PACS1: variants seen among roughly 807,000 people sequenced by gnomAD.
PACS1 encodes phosphofurin acidic cluster sorting protein 1, also known as PACS-1.
Under a neutral mutation model 115.0 loss-of-function variants are expected in PACS1, and 24 were observed. The ratio of observed to expected loss-of-function variants is 0.21; its 90% CI spans 0.15 to 0.29. PACS1 has a LOEUF of 0.29. Ranked by LOEUF, PACS1 falls within the 10% of genes least tolerant of loss-of-function variation. The pLI, the probability that PACS1 is intolerant of heterozygous loss-of-function variation, is 1.00. For synonymous variants in PACS1, 453 were observed against 504.5 expected, an observed-to-expected ratio of 0.90 and a Z score of 1.37; for missense variants, 838 against 1,251.2, an observed-to-expected ratio of 0.67 and a Z score of 4.98.
At chr11:66,099,149 T>A (rs1857853195) in intron 1 of PACS1, among the ~76,000 whole-genome samples, 2 of 152,166 alleles carry the variant, frequency 1.3e-5, no homozygotes, top group South Asian at 4.1e-4. Flanking sequence ...GCTCAAGCAG[T>A]TCTCCTGCCT....
intron 1 of PACS1, among the ~76,000 whole-genome samples, chr11:66,151,017 G>A (rs1163006406): frequency 6.6e-6 from 1 of 152,066 alleles, no homozygotes; most frequent in African/African-American, 2.4e-5. Flanking sequence ...AGACAAGCTG[G>A]AAAGTTCAGG....
At chr11:66,084,585 A>G (rs1014614220) in intron 1 of PACS1, among the ~76,000 whole-genome samples, 2 of 151,798 alleles carry the variant, frequency 1.3e-5, no homozygotes, top group African/African-American at 4.8e-5. Flanking sequence ...AGGGTGGTGG[A>G]GGTGGAGATG....
intron 7 of PACS1, among the ~76,000 whole-genome samples, chr11:66,219,307 G>C (rs558681186): frequency 6.6e-6 from 1 of 152,050 alleles, no homozygotes; most frequent in East Asian, 1.9e-4. Context: ...TGTTGGTTCA[G>C]GTGTGTTGGC....
intron 1 of PACS1, among the ~76,000 whole-genome samples, chr11:66,174,099 A>T (rs982504200): frequency 3.9e-5 from 6 of 152,208 alleles, no homozygotes; most frequent in African/African-American, 1.4e-4. Context: ...CAAAGAAGAT[A>T]TGCCAAATAA....
chr11:66,099,949 C>T lies in PACS1; in HGVS notation c.356+29107C>T, dbSNP rs184886486. 1.1e-4 allele frequency among the ~76,000 whole-genome samples: 16 copies of T among 152,206 alleles called. 1 individual carries two copies. The East Asian group carries it at 2.3e-3, about 22-fold the overall frequency. On this transcript the variant is annotated intron_variant, in intron 1 of 23. Coordinates refer to ENST00000320580, the MANE Select transcript of PACS1 (RefSeq NM_018026.4). ...CCACAACCTTGGCTTGCTGCAACCT[C>T]GGCTCACTGCAACCTCCGCCTCCTG...
rs1222941331 is a variant in PACS1 at position 66,193,524 on chromosome 11, A to G, written c.395A>G (p.Lys132Arg). Reference protein sequence around the residue: ...SLTLKKLVMLKEMDKDLNSVV... With the variant: ...SLTLKKLVMLREMDKDLNSVV... ...ACCCTGAAGAAACTCGTCATGCTAAAAGAAATGGACAAAGATCTTAACTCA... is the reference window on the plus strand; with the variant it reads ...ACCCTGAAGAAACTCGTCATGCTAAGAGAAATGGACAAAGATCTTAACTCA... Residue 132 changes from lysine (K) to arginine (R), a missense_variant, in exon 2 of 24, where the codon AAA becomes AGA. Around this residue, in one of 6 missense-constraint regions of PACS1, gnomAD observed 223 missense variants for 354.0 expected, o/e 0.63. Coordinates refer to ENST00000320580, the MANE Select transcript of PACS1 (RefSeq NM_018026.4). 2.5e-6 allele frequency: 4 copies of G among 1,613,958 alleles called. No individual in the cohort carries two copies. Among genetic ancestry groups the G allele is most frequent in the Non-Finnish European group, 3.4e-6 (4 of 1,179,838 alleles).
intron 1 of PACS1, among the ~76,000 whole-genome samples, chr11:66,091,686 A>ATC (rs1857669208): frequency 6.8e-6 from 1 of 147,460 alleles, no homozygotes; most frequent in South Asian, 2.2e-4. Flanking sequence ...CCCACCCCAC[A>ATC]ACAGTCCCCA....
At chr11:66,240,219 C>T (rs888988339) in intron 21 of PACS1, among the ~76,000 whole-genome samples, 3 of 152,188 alleles carry the variant, frequency 2.0e-5, no homozygotes, top group Non-Finnish European at 4.4e-5. Context: ...ATCTCTGAGA[C>T]CACTGGAAGC....
chr11:66,228,714 G>A (rs969392617), intron 11 of PACS1, among the ~76,000 whole-genome samples: 1 of 152,200 alleles, frequency 6.6e-6, no homozygotes, highest in African/African-American at 2.4e-5. Context: ...TAATCCATGA[G>A]GGTGACGTCA....
intron 1 of PACS1, among the ~76,000 whole-genome samples, chr11:66,157,175 T>G (rs1859381654): frequency 1.3e-5 from 2 of 152,102 alleles, no homozygotes; most frequent in South Asian, 4.1e-4. Context: ...ATGAGATGGA[T>G]TATATTTCCT....
chr11:66,221,765 T>G (rs1333293128), intron 10 of PACS1: 1 of 155,536 alleles, frequency 6.4e-6, no homozygotes, highest in Admixed American at 6.4e-5. Context: ...CAGGCTGGGT[T>G]GTTCCTTTTG....
intron 1 of PACS1, among the ~76,000 whole-genome samples, chr11:66,180,103 A>G (rs1445786730): frequency 6.6e-6 from 1 of 151,832 alleles, no homozygotes; most frequent in Admixed American, 6.6e-5. Flanking sequence ...CAGCCTCCCA[A>G]AGTGCTGGGA....
chr11:66,211,101 T>C (rs113671091), intron 3 of PACS1, 33 bp from the exon 4 acceptor site: 11 of 1,611,114 alleles, frequency 6.8e-6, no homozygotes, highest in Non-Finnish European at 9.3e-6. Flanking sequence ...AGCTGCCCAT[T>C]AACCACGCTC....
intron 1 of PACS1, among the ~76,000 whole-genome samples, chr11:66,152,489 A>G (rs1282368989): frequency 2.0e-5 from 3 of 152,250 alleles, no homozygotes; most frequent in Non-Finnish European, 4.4e-5. Flanking sequence ...CAAACTTCTT[A>G]AATATGGTAG....
At chr11:66,238,905 C>T in intron 20 of PACS1, 59 bp downstream of exon 20, 1 of 1,500,522 alleles carries the variant, frequency 6.7e-7, no homozygotes, top group Non-Finnish European at 9.1e-7. Context: ...TGTCTTCCCT[C>T]TAGTCCAGCA....
At chr11:66,207,661 G>A (rs1363909805) in intron 2 of PACS1, among the ~76,000 whole-genome samples, 1 of 152,156 alleles carries the variant, frequency 6.6e-6, no homozygotes, top group Non-Finnish European at 1.5e-5. Context: ...GCCTGTGTGC[G>A]GGCTGGCTGT....
rs749060664 is a variant in PACS1 at position 66,127,939 on chromosome 11, A to G, written c.356+57097A>G. Reference sequence around the variant, plus strand: ...AGACCCCGAGTTTGATAAAACGCCTAGATCTTACTGTGTATTTATAGGAAA... The same window carrying G: ...AGACCCCGAGTTTGATAAAACGCCTGGATCTTACTGTGTATTTATAGGAAA... On this transcript the variant is annotated intron_variant, in intron 1 of 23. Coordinates refer to ENST00000320580, the MANE Select transcript of PACS1 (RefSeq NM_018026.4). Among the ~76,000 whole-genome samples the G allele has an allele frequency of 1.2e-4, 18 of 152,366 alleles. No homozygotes were observed. The East Asian group carries it at 2.7e-3, about 23-fold the overall frequency.
Position 66,157,454 on chromosome 11 carries a change from G to C in PACS1, c.357-36032G>C, listed in dbSNP as rs964293365. Among the ~76,000 whole-genome samples, 4 of 149,480 alleles carry C rather than the reference G, an allele frequency of 2.7e-5. No individual in the cohort carries two copies. The Admixed American group carries it at 2.7e-4, about 10-fold the overall frequency. On this transcript the variant is annotated intron_variant, in intron 1 of 23. Coordinates refer to ENST00000320580, the MANE Select transcript of PACS1 (RefSeq NM_018026.4). ...GGCCATGTTCTGAGATAAGTTTTAG[G>C]TACCTGTGAATATAGGATATACACT...
chr11:66,134,492 G>A (rs1184878628), intron 1 of PACS1, among the ~76,000 whole-genome samples: 10 of 151,544 alleles, frequency 6.6e-5, no homozygotes, highest in Non-Finnish European at 1.2e-4. Flanking sequence ...CAAATGACAC[G>A]CTACGTATCG....
Sources: gnomAD v4.1 joint callset for allele counts (sites outside exome capture counted in the v4.1 genomes callset) on GRCh38, gnomAD v4.1.1 for gene constraint, gnomAD v4.1.1 regional missense constraint, MANE v1.5 for transcripts, NCBI Gene and HGNC (gene_info 2026-07-23, HGNC 2026-07-21) for gene names.